Variants in SPMIP5 observed in about 807,000 individuals in gnomAD.
SPMIP5 encodes the protein sperm-associated microtubule inner protein 5.
the SPMIP5 span, chr10:116,664,103 G>T: frequency 6.2e-7 from 1 of 1,613,668 alleles, no homozygotes; most frequent in Admixed American, 1.7e-5. Context: ...CAGCTAAGCA[G>T]AAAGGCCACT....
chr10:116,669,316 G>A, the SPMIP5 span, among the ~76,000 whole-genome samples: 1 of 152,104 alleles, frequency 6.6e-6, no homozygotes. Context: ...TTCAGCCCCC[G>A]CCAGGCTGAC....
chr10:116,668,923 G>A, the SPMIP5 span, among the ~76,000 whole-genome samples: 2 of 61,624 alleles, frequency 3.2e-5, no homozygotes, highest in African/African-American at 1.4e-4. Flanking sequence ...CCACCCGCCG[G>A]CACACACATG....
chr10:116,665,645 C>T, the SPMIP5 span: 10 of 1,614,050 alleles, frequency 6.2e-6, no homozygotes, highest in Middle Eastern at 1.6e-4. Context: ...TGTACTGGTG[C>T]AGGGCCTGCA....
the SPMIP5 span, chr10:116,663,729 A>G: frequency 1.5e-6 from 1 of 675,554 alleles, no homozygotes; most frequent in African/African-American, 1.8e-5. Flanking sequence ...CCCACATGAC[A>G]AAAAACGGTC....
At chr10:116,668,236 T>G in the SPMIP5 span, 1 of 1,609,126 alleles carries the variant, frequency 6.2e-7, no homozygotes. Context: ...CAGGCACAGC[T>G]GCAGGGTACG....
At chr10:116,667,031 A>G in the SPMIP5 span, among the ~76,000 whole-genome samples, 1 of 152,198 alleles carries the variant, frequency 6.6e-6, no homozygotes, top group Non-Finnish European at 1.5e-5. Flanking sequence ...TTATCTACAA[A>G]TAGGGACTTC....
At chr10:116,664,566 C>T in the SPMIP5 span, 2 of 1,130,028 alleles carry the variant, frequency 1.8e-6, no homozygotes, top group African/African-American at 3.2e-5. Context: ...CTGGGGAATG[C>T]TGAGCACAGG....
chr10:116,664,523 C>G, the SPMIP5 span: 2 of 895,582 alleles, frequency 2.2e-6, no homozygotes, highest in Non-Finnish European at 3.2e-6. Context: ...CCATCCCCTC[C>G]CTGCAAACCA....
chr10:116,670,247 G>C, the SPMIP5 span: 1 of 152,254 alleles, frequency 6.6e-6, no homozygotes, highest in African/African-American at 2.4e-5. Context: ...GCGTTTTTGC[G>C]GGTGTAGACA....
chr10:116,663,637 A>G, the SPMIP5 span: 1 of 362,862 alleles, frequency 2.8e-6, no homozygotes. Context: ...CTCGGGGGTT[A>G]GGAACCCTAG....
chr10:116,668,319 G>T, the SPMIP5 span: 2 of 1,610,598 alleles, frequency 1.2e-6, no homozygotes, highest in South Asian at 2.2e-5. Flanking sequence ...CCATGATTTC[G>T]CTCTCTGTTA....
chr10:116,664,251 G>A, the SPMIP5 span: 1 of 1,605,120 alleles, frequency 6.2e-7, no homozygotes, highest in Non-Finnish European at 8.5e-7. Flanking sequence ...AGAAGTTTTT[G>A]TGGAGCTAAC....
the SPMIP5 span, chr10:116,665,946 A>G: frequency 9.4e-6 from 8 of 849,404 alleles, no homozygotes; most frequent in Non-Finnish European, 1.4e-5. Flanking sequence ...AGCCAACAGC[A>G]CTACGTTTTT....
At chr10:116,662,852 A>G in the SPMIP5 span, among the ~76,000 whole-genome samples, 1 of 152,174 alleles carries the variant, frequency 6.6e-6, no homozygotes, top group African/African-American at 2.4e-5. Context: ...GAAGTAGGGC[A>G]TGCTCCTGAT....
chr10:116,670,096 T>A, the SPMIP5 span: 1 of 152,122 alleles, frequency 6.6e-6, no homozygotes, highest in Non-Finnish European at 1.5e-5. Flanking sequence ...AGGTGGGCGC[T>A]TCCCCCAGCG....
the SPMIP5 span, chr10:116,668,374 C>CTTAAGGAATTACCA: frequency 7.1e-7 from 1 of 1,412,212 alleles, no homozygotes; most frequent in East Asian, 2.3e-5. Flanking sequence ...AAGTCACTGC[C>CTTAAGGAATTACCA]TTAAGGAATT....
the SPMIP5 span, chr10:116,665,378 C>T: frequency 1.3e-5 from 6 of 449,540 alleles, no homozygotes; most frequent in Non-Finnish European, 2.3e-5. Flanking sequence ...GCACTCCAGC[C>T]TAGGCAACAG....
the SPMIP5 span, chr10:116,668,409 G>C: frequency 8.8e-7 from 1 of 1,132,510 alleles, no homozygotes; most frequent in African/African-American, 1.5e-5. Context: ...ACAAGCTCTT[G>C]GGAGTGGAAG....
At chr10:116,666,717 C>G in the SPMIP5 span, among the ~76,000 whole-genome samples, 4 of 152,150 alleles carry the variant, frequency 2.6e-5, no homozygotes, top group African/African-American at 4.8e-5. Flanking sequence ...ACTCCCCAAC[C>G]CTTGGATGAT....
Sources: allele counts gnomAD v4.1 joint callset (sites outside exome capture counted in the v4.1 genomes callset), GRCh38; gene constraint gnomAD v4.1.1; transcripts MANE v1.5; gene names NCBI Gene and HGNC (gene_info 2026-07-23, HGNC 2026-07-21).